DNAH12: variants seen among roughly 807,000 people sequenced by gnomAD.
DNAH12 encodes dynein axonemal heavy chain 12.
Under a neutral mutation model 371.5 loss-of-function variants are expected in DNAH12, and 285 were observed. That is an observed-to-expected ratio of 0.77 (90% CI 0.70 to 0.85). DNAH12 has a LOEUF of 0.85. Ranked by LOEUF, DNAH12 falls within the 40% of genes least tolerant of loss-of-function variation. The pLI is 0.00. For missense variants in DNAH12, 3,611 were observed against 3,689.4 expected (o/e 0.98, Z 0.55); for synonymous variants, 1,200 against 1,213.0 (o/e 0.99, Z 0.22).
intron 19 of DNAH12, among the ~76,000 whole-genome samples, chr3:57,460,960 A>G (rs560598489): frequency 5.7e-4 from 87 of 152,208 alleles, no homozygotes; most frequent in Non-Finnish European, 7.4e-4. Context: ...TATCAGGGTA[A>G]AAAATCCAGT....
At chr3:57,521,927 G>GA (rs1388474759) in intron 4 of DNAH12, among the ~76,000 whole-genome samples, 1 of 151,264 alleles carries the variant, frequency 6.6e-6, no homozygotes, top group East Asian at 2.0e-4. Context: ...GAGAAGTATA[G>GA]AAAAAATATC....
rs181229903 is a variant in DNAH12 at position 57,428,078 on chromosome 3, A to G, written c.5253+555T>C. Among the ~76,000 whole-genome samples, 17 of 151,968 alleles carry G rather than the reference A, an allele frequency of 1.1e-4. No homozygotes were observed. The East Asian group carries it at 3.3e-3, about 30-fold the overall frequency. Reference sequence around the variant, plus strand: ...CGAGTAGCTGGGATTACAGGCATGTACCACCATGCCCGGCTAATTTTTATA... The same window carrying G: ...CGAGTAGCTGGGATTACAGGCATGTGCCACCATGCCCGGCTAATTTTTATA... On this transcript the variant is annotated intron_variant, in intron 34 of 73. Coordinates refer to ENST00000495027, the MANE Select transcript of DNAH12 (RefSeq NM_001366028.2).
At position 57,454,795 on chromosome 3, in the gene DNAH12, C is replaced by A. The variant is rs2065857259; in HGVS notation, c.3436G>T (p.Val1146Leu). ...QMFWTSETQE[V>L]ISGGTEGLKK... is the part of the protein sequence containing the mutation. ...TTTACCTCCGTCCCGCCACTTATCA[C>A]TTCCTGTGTCTCAGATGTCCAGAAC... The change falls in exon 23 of 74, where the codon GTG (valine) becomes TTG (leucine). Residue 1146 changes from valine to leucine, a missense_variant. Physicochemically the swap from Val to Leu is conservative, Grantham distance 32. Around this residue, in one of 3 missense-constraint regions of DNAH12, gnomAD observed 1,314 missense variants for 1,398.7 expected, o/e 0.94. Transcript: ENST00000495027. 1 of 1,551,258 alleles carries A rather than the reference C, an allele frequency of 6.4e-7. No individual in the cohort carries two copies.
rs138909542 is a variant in DNAH12 at position 57,491,780 on chromosome 3, A to T, written c.1336-2093T>A. Among the ~76,000 whole-genome samples, 663 of 152,074 alleles carry T rather than the reference A, an allele frequency of 4.4e-3. 7 individuals carry two copies. The highest frequency in any genetic ancestry group is 0.015 in the African/African-American group (638 of 41,446). On this transcript the variant is annotated intron_variant, in intron 11 of 73. Transcript: ENST00000495027. The stretch of plus-strand genomic sequence containing the variant: ...GGGAAACCCCCATCTCTACAAAAAA[A>T]AATAATAATTTTTTTAAAATTAGCC...
intron 55 of DNAH12, among the ~76,000 whole-genome samples, chr3:57,369,219 T>TTA (rs2063115170): frequency 4.0e-5 from 5 of 126,020 alleles, no homozygotes; most frequent in African/African-American, 1.5e-4. Context: ...GAAACTCCAT[T>TTA]AAAAAAAAAA....
At chr3:57,494,549 G>A (rs1222954878) in intron 11 of DNAH12, among the ~76,000 whole-genome samples, 1 of 151,834 alleles carries the variant, frequency 6.6e-6, no homozygotes, top group Non-Finnish European at 1.5e-5. Context: ...GCAACAGAGT[G>A]AGACCCTGTC....
intron 60 of DNAH12, among the ~76,000 whole-genome samples, chr3:57,351,634 G>A (rs1278869751): frequency 1.3e-5 from 2 of 152,156 alleles, no homozygotes; most frequent in East Asian, 3.8e-4. Context: ...AAGTAATGTT[G>A]AGGAAAAGAA....
chr3:57,389,056 A>C (rs1187707700), intron 45 of DNAH12, among the ~76,000 whole-genome samples: 1 of 152,146 alleles, frequency 6.6e-6, no homozygotes, highest in African/African-American at 2.4e-5. Flanking sequence ...AGTATAATAA[A>C]AAATAAATAA....
chr3:57,351,094 C>T (rs2062661232), intron 60 of DNAH12, among the ~76,000 whole-genome samples: 2 of 151,782 alleles, frequency 1.3e-5, no homozygotes, highest in Non-Finnish European at 1.5e-5. Flanking sequence ...CATAGTGAAA[C>T]CCTGTCTCTA....
At chr3:57,420,188 C>G (rs2064523143) in intron 36 of DNAH12, among the ~76,000 whole-genome samples, 1 of 152,136 alleles carries the variant, frequency 6.6e-6, no homozygotes, top group Non-Finnish European at 1.5e-5. Context: ...CCAATCTTCA[C>G]TCCACCCCCA....
At chr3:57,308,234 A>G (rs1055622621) in intron 69 of DNAH12, among the ~76,000 whole-genome samples, 3 of 152,158 alleles carry the variant, frequency 2.0e-5, no homozygotes, top group Admixed American at 6.5e-5. Context: ...CCCTTCTGTC[A>G]GACATAATTC....
chr3:57,543,957 G>C (rs1246900960), intron 1 of DNAH12, among the ~76,000 whole-genome samples: 4 of 152,098 alleles, frequency 2.6e-5, no homozygotes, highest in Non-Finnish European at 5.9e-5. Flanking sequence ...TGAGGCACAA[G>C]AATCGCTTGA....
chr3:57,446,582 C>A lies in DNAH12; in HGVS notation c.3894G>T (p.Val1298=), dbSNP rs1174388666. The part of the protein sequence containing the change: ...DLAKALAVQC[V]VFNCSDGLDY... ...CTAGCCCATCAGAACAGTTGAACACCACACACTGTACAGCAAGAGCTTTAG... is the reference window on the plus strand; with the variant it reads ...CTAGCCCATCAGAACAGTTGAACACAACACACTGTACAGCAAGAGCTTTAG... The change falls in exon 26 of 74, where the codon GTG becomes GTT. Residue 1298 remains valine (V), a synonymous_variant. Coordinates refer to ENST00000495027, the MANE Select transcript of DNAH12 (RefSeq NM_001366028.2). 6.5e-7 allele frequency: 1 copy of A among 1,550,062 alleles called. No individual in the cohort carries two copies. Among genetic ancestry groups the A allele is most frequent in the Non-Finnish European group, 8.7e-7 (1 of 1,146,286 alleles).
At position 57,470,502 on chromosome 3, in the gene DNAH12, G is replaced by A. The variant is rs2066334982; in HGVS notation, c.2046C>T (p.Asn682=). ...TAAAAAACTTCTGATAGGGCTCAAT[G>A]TTAACTTTTAATTTATCCAGTTCAG... ...KYPELDKLKV[N]IEPYQKFFNF... The change falls in exon 16 of 74, where the codon AAC becomes AAT. Residue 682 remains asparagine (N), a synonymous_variant. Transcript: ENST00000495027. 1.3e-6 allele frequency: 2 copies of A among 1,548,146 alleles called. No homozygotes were observed. The highest frequency in any genetic ancestry group is 8.7e-7 in the Non-Finnish European group (1 of 1,146,138).
intron 38 of DNAH12, among the ~76,000 whole-genome samples, chr3:57,414,239 C>A (rs2153357039): frequency 6.6e-6 from 1 of 152,310 alleles, no homozygotes; most frequent in Admixed American, 6.5e-5. Context: ...CCTATGCACT[C>A]ACAATTGTTA....
intron 62 of DNAH12, among the ~76,000 whole-genome samples, chr3:57,330,573 G>T: frequency 9.3e-6 from 1 of 107,942 alleles, no homozygotes; most frequent in Non-Finnish European, 1.8e-5. Flanking sequence ...TGGGGTGGGG[G>T]GAGGGGGGAA....
intron 1 of DNAH12, among the ~76,000 whole-genome samples, chr3:57,543,425 T>C (rs747548709): frequency 3.5e-5 from 5 of 140,904 alleles, no homozygotes; most frequent in Non-Finnish European, 7.5e-5. Flanking sequence ...CAGGTTCAAG[T>C]GGTTCTCCTG....
intron 51 of DNAH12, 44 bp downstream of exon 51, chr3:57,380,234 T>G (rs2063360664): frequency 6.6e-6 from 1 of 152,138 alleles, no homozygotes; most frequent in South Asian, 2.1e-4. Flanking sequence ...TCTTAAACAT[T>G]TTAGCCAAGT....
intron 60 of DNAH12, among the ~76,000 whole-genome samples, chr3:57,343,654 G>A (rs1553656990): frequency 6.6e-6 from 1 of 152,168 alleles, no homozygotes; most frequent in Non-Finnish European, 1.5e-5. Context: ...TGCTGAGGTG[G>A]ATTAGTAAAA....
Sources: allele counts gnomAD v4.1 joint callset (sites outside exome capture counted in the v4.1 genomes callset), GRCh38; gene constraint gnomAD v4.1.1; regional missense constraint gnomAD v4.1.1; transcripts MANE v1.5; gene names NCBI Gene and HGNC (gene_info 2026-07-23, HGNC 2026-07-21).